AGR3: variants seen among roughly 807,000 people sequenced by gnomAD.
The protein encoded by AGR3 is anterior gradient 3, protein disulphide isomerase family member.
Under a neutral mutation model 24.5 loss-of-function variants are expected in AGR3, and 37 were observed. The observed-to-expected ratio is 1.51, with a 90% CI of 1.16 to 1.99. The LOEUF (loss-of-function observed/expected upper bound fraction) is 1.99. AGR3 is among the 30% of genes most tolerant of loss of function. The probability of loss-of-function intolerance (pLI) is 0.00; values close to 1 mark genes in which losing one functional copy is unlikely to be tolerated. For synonymous variants in AGR3, 75 were observed against 61.6 expected (o/e 1.22, Z -1.02); for missense variants, 228 against 191.1 (o/e 1.19, Z -1.14).
chr7:16,877,174 GAAGC>G (rs1469268564), intron 2 of AGR3, among the ~76,000 whole-genome samples: 2 of 150,266 alleles, frequency 1.3e-5, no homozygotes, highest in African/African-American at 4.9e-5. Flanking sequence ...ATGTACTTGG[GAAGC>G]AAGTCAGTGT....
chr7:16,881,213 G>A (rs947667265), intron 1 of AGR3, among the ~76,000 whole-genome samples: 1 of 152,078 alleles, frequency 6.6e-6, no homozygotes, highest in African/African-American at 2.4e-5. Context: ...AGAGTTAAGC[G>A]GGAACCATTT....
intron 3 of AGR3, among the ~76,000 whole-genome samples, chr7:16,863,561 C>A (rs956153965): frequency 4.6e-5 from 7 of 151,962 alleles, no homozygotes; most frequent in African/African-American, 1.7e-4. Context: ...GTTTTCAGGT[C>A]ATATAACTGA....
intron 6 of AGR3, among the ~76,000 whole-genome samples, chr7:16,860,802 C>T (rs926428815): frequency 6.6e-6 from 1 of 152,152 alleles, no homozygotes; most frequent in Non-Finnish European, 1.5e-5. Flanking sequence ...GGCTCCCTCC[C>T]TCCTTCCCCC....
chr7:16,879,238 T>C (rs1171471427), intron 1 of AGR3, among the ~76,000 whole-genome samples: 1 of 152,226 alleles, frequency 6.6e-6, no homozygotes, highest in Non-Finnish European at 1.5e-5. Flanking sequence ...CAGTTTATGA[T>C]ACAGCTCTTT....
At chr7:16,867,024 T>A (rs1330560858) in intron 3 of AGR3, among the ~76,000 whole-genome samples, 1 of 152,128 alleles carries the variant, frequency 6.6e-6, no homozygotes, top group Non-Finnish European at 1.5e-5. Flanking sequence ...CAGGGGAGCA[T>A]CTACAGGACT....
chr7:16,862,596 G>C lies in AGR3; in HGVS notation c.226+14C>G, dbSNP rs1269507396. 2 of 1,476,710 alleles carry C rather than the reference G, an allele frequency of 1.4e-6. No homozygotes were observed. Among genetic ancestry groups the C allele is most frequent in the Non-Finnish European group, 1.8e-6 (2 of 1,109,262 alleles). 91.5% of individuals were successfully genotyped at this position (1,476,710 alleles called of 1,614,324 possible). A position where few individuals can be genotyped will look rare whatever the true frequency, so the allele number is the denominator to read the frequency against. ...TATTATATATTATAATAAGATATCA[G>C]GGGCTAAAATTACCTTGAGAGTATT... On this transcript the variant is annotated intron_variant, in intron 4 of 7. Coordinates refer to ENST00000310398, the MANE Select transcript of AGR3 (RefSeq NM_176813.5).
chr7:16,865,489 T>A, intron 3 of AGR3: 1 of 729,814 alleles, frequency 1.4e-6, no homozygotes, highest in South Asian at 1.5e-5. Context: ...CGAATTTCTT[T>A]GGGGAACAAG....
intron 3 of AGR3, among the ~76,000 whole-genome samples, chr7:16,866,950 T>C (rs1258029206): frequency 1.3e-5 from 2 of 152,154 alleles, no homozygotes; most frequent in African/African-American, 4.8e-5. Flanking sequence ...AGACTTTTTC[T>C]TTTATCTTCT....
At chr7:16,863,515 A>G (rs903546348) in intron 3 of AGR3, among the ~76,000 whole-genome samples, 2 of 152,010 alleles carry the variant, frequency 1.3e-5, no homozygotes, top group African/African-American at 2.4e-5. Flanking sequence ...TTCTATAACT[A>G]TGCTGTATTA....
In AGR3 at chr7:16,878,602, G is replaced by T; in HGVS notation, c.17C>A (p.Ala6Asp). 1 of 1,614,096 alleles carries T rather than the reference G, an allele frequency of 6.2e-7. No homozygotes were observed. The highest frequency in any genetic ancestry group is 8.5e-7 in the Non-Finnish European group (1 of 1,179,988). MMLHS[A>D]LGLCLLLVTV... Reference sequence around the variant, plus strand: ...GACGAGTAAGAGGCAGAGACCCAAAGCTGAGTGTAGCATCATGTCTTCTAG... The same window carrying T: ...GACGAGTAAGAGGCAGAGACCCAAATCTGAGTGTAGCATCATGTCTTCTAG... Residue 6 changes from alanine (A) to aspartate (D), a missense_variant, in exon 2 of 8, where the codon GCT becomes GAT. Transcript: ENST00000310398.
intron 2 of AGR3, among the ~76,000 whole-genome samples, chr7:16,876,972 G>A (rs10270177): frequency 0.93 from 141,480 of 152,068 alleles, 66,368 homozygotes; most frequent in Non-Finnish European, 1. Flanking sequence ...TTTTACAACA[G>A]TTATGCTTAT....
downstream of AGR3, among the ~76,000 whole-genome samples, chr7:16,857,221 G>C (rs28649366): frequency 0.8 from 120,950 of 152,018 alleles, 48,410 homozygotes; most frequent in East Asian, 0.9. Flanking sequence ...AACTGATTAT[G>C]GAATATTTAT....
intron 2 of AGR3, among the ~76,000 whole-genome samples, chr7:16,876,878 A>T (rs1356662985): frequency 1.3e-5 from 2 of 152,232 alleles, no homozygotes; most frequent in Admixed American, 6.5e-5. Context: ...TAGTTATCAC[A>T]GTGCTGCTTA....
At chr7:16,861,299 A>T in intron 6 of AGR3, 85 bp downstream of exon 6, 1 of 1,038,944 alleles carries the variant, frequency 9.6e-7, no homozygotes, top group Non-Finnish European at 1.4e-6. Flanking sequence ...AAAGAATAGT[A>T]CTTGAACTAG....
At chr7:16,875,767 C>G (rs927639753) in intron 2 of AGR3, among the ~76,000 whole-genome samples, 3 of 151,822 alleles carry the variant, frequency 2.0e-5, no homozygotes, top group African/African-American at 4.8e-5. Context: ...GATTTAAAAT[C>G]TTAACATTGA....
At chr7:16,872,624 G>A (rs1221074579) in intron 3 of AGR3, among the ~76,000 whole-genome samples, 1 of 152,106 alleles carries the variant, frequency 6.6e-6, no homozygotes, top group Non-Finnish European at 1.5e-5. Flanking sequence ...TGTCACCTGA[G>A]AAGCATCTGA....
chr7:16,865,856 G>C (rs1438653442), intron 3 of AGR3: 1 of 735,638 alleles, frequency 1.4e-6, no homozygotes, highest in Non-Finnish European at 2.5e-6. Flanking sequence ...ATTCTCCTTT[G>C]ATAGCGTTTT....
intron 3 of AGR3, chr7:16,873,281 C>G (rs1383575283): frequency 6.5e-6 from 1 of 152,688 alleles, no homozygotes; most frequent in African/African-American, 2.4e-5. Flanking sequence ...ATGAAATGCT[C>G]TCATTCACAG....
Position 16,860,541 on chromosome 7 carries a change from G to T in AGR3, c.410C>A (p.Ser137Tyr), listed in dbSNP as rs1258464825. 3.1e-6 allele frequency: 5 copies of T among 1,613,854 alleles called. No individual in the cohort carries two copies. The highest frequency in any genetic ancestry group is 1.7e-5 in the Admixed American group (1 of 60,002). Residue 137 changes from serine to tyrosine, a missense_variant, in exon 7 of 8, where the codon TCT becomes TAT. Ser to Tyr is a moderately radical substitution (Grantham distance 144). Transcript: ENST00000310398. ...AGGCTCATATGTGTACAATCTGTTA[G>T]AGTATCTTCCAGCTATGTCAGCTCT... The part of the protein sequence containing the change: ...TVRADIAGRY[S>Y]NRLYTYEPRD...
Sources: gnomAD v4.1 joint callset for allele counts (sites outside exome capture counted in the v4.1 genomes callset) on GRCh38, gnomAD v4.1.1 for gene constraint, MANE v1.5 for transcripts, NCBI Gene and HGNC (gene_info 2026-07-23, HGNC 2026-07-21) for gene names.